Variants in ADCK1 observed in about 807,000 individuals in gnomAD.
The protein encoded by ADCK1 is aarF domain-containing protein kinase 1.
Under a neutral mutation model 52.3 loss-of-function variants are expected in ADCK1, and 41 were observed. That is an observed-to-expected ratio of 0.78 (90% CI 0.61 to 1.02). ADCK1 has a LOEUF of 1.02. ADCK1 is among the 50% of genes least tolerant of loss of function. ADCK1 has a pLI of 0.00. For synonymous variants in ADCK1, 250 were observed against 274.6 expected (o/e 0.91, Z 0.89); for missense variants, 658 against 679.5 (o/e 0.97, Z 0.35).
chr14:77,822,230 C>G lies in ADCK1; in HGVS notation c.136-205C>G, dbSNP rs956839943. ...AGAGGGGCAATTTTGGCGTGGGCCC[C>G]TGCAGAGGTGGCATTTGCACAGAGT... is the stretch of plus-strand genomic sequence containing the variant. On this transcript the variant is annotated intron_variant, in intron 2 of 10. Transcript: ENST00000238561. 2.0e-5 allele frequency among the ~76,000 whole-genome samples: 3 copies of G among 152,162 alleles called. No homozygotes were observed. In the South Asian group the frequency reaches 6.2e-4, roughly 32 times the overall value.
intron 3 of ADCK1, among the ~76,000 whole-genome samples, chr14:77,832,787 C>T (rs886632455): frequency 6.6e-6 from 1 of 152,158 alleles, no homozygotes; most frequent in Non-Finnish European, 1.5e-5. Flanking sequence ...ACCATCCTAC[C>T]AGTCTAGTGA....
rs374267941 is a variant in ADCK1 at position 77,924,534 on chromosome 14, C to G, written c.936C>G (p.Gly312=). 2 of 1,614,118 alleles carry G rather than the reference C, an allele frequency of 1.2e-6. No homozygotes were observed. The highest frequency in any genetic ancestry group is 2.7e-5 in the African/African-American group (2 of 75,080). Reference sequence around the variant, plus strand: ...TCGTGCACTGCGATCCCCACCCCGGCAATGTACTGGTGCGGAAGCACCCCG... The same window carrying G: ...TCGTGCACTGCGATCCCCACCCCGGGAATGTACTGGTGCGGAAGCACCCCG... ...NGFVHCDPHP[G]NVLVRKHPGT... Residue 312 remains glycine (G), a synonymous_variant, in exon 8 of 11, where the codon GGC becomes GGG. Transcript: ENST00000238561.
chr14:77,893,753 T>G lies in ADCK1; in HGVS notation c.583-5347T>G, dbSNP rs554352101. On this transcript the variant is annotated intron_variant, in intron 5 of 10. Coordinates refer to ENST00000238561, the MANE Select transcript of ADCK1 (RefSeq NM_020421.4). ...CCTTCCTTCCTTTTTTTTTTTTTTTTGACAGAGTCTCACTCTGTTGCCCAA... is the reference window on the plus strand; with the variant it reads ...CCTTCCTTCCTTTTTTTTTTTTTTTGGACAGAGTCTCACTCTGTTGCCCAA... Among the ~76,000 whole-genome samples the G allele has an allele frequency of 1.7e-3, 249 of 144,140 alleles. 2 individuals carry two copies. The Middle Eastern group carries it at 0.026, about 15-fold the overall frequency. The allele number at this position is 144,140 out of a possible 152,430, so 94.6% of individuals were successfully genotyped here. A position where few individuals can be genotyped will look rare whatever the true frequency, so the allele number is the denominator to read the frequency against.
intron 4 of ADCK1, among the ~76,000 whole-genome samples, chr14:77,864,708 T>TAG (rs148669104): frequency 2.1e-4 from 31 of 148,986 alleles, no homozygotes; most frequent in African/African-American, 2.7e-4. Flanking sequence ...TATTTAGAGC[T>TAG]AGAGAGAGAG....
At chr14:77,872,379 G>T (rs1301069656) in intron 4 of ADCK1, among the ~76,000 whole-genome samples, 4 of 152,196 alleles carry the variant, frequency 2.6e-5, no homozygotes, top group Non-Finnish European at 5.9e-5. Flanking sequence ...TGTCTGCGAG[G>T]TTGGGCGGGG....
chr14:77,928,618 C>T lies in ADCK1; in HGVS notation c.1206+2657C>T, dbSNP rs1322632503. ...CTGGGATTACAGGCATGTGCCACCA[C>T]ACCTGGCTAATTTTTGTATATTTAG... On this transcript the variant is annotated intron_variant, in intron 9 of 10. Transcript: ENST00000238561. Among the ~76,000 whole-genome samples the T allele has an allele frequency of 2.0e-5, 3 of 152,156 alleles. No homozygotes were observed. The South Asian group carries it at 6.2e-4, about 32-fold the overall frequency.
chr14:77,863,080 C>A (rs895017692), intron 4 of ADCK1, among the ~76,000 whole-genome samples: 1 of 152,162 alleles, frequency 6.6e-6, no homozygotes, highest in African/African-American at 2.4e-5. Context: ...TACAATGTGG[C>A]GTTCAGCCGG....
In ADCK1 at chr14:77,851,785, G is replaced by A. The variant is rs948652907; in HGVS notation, c.220-7291G>A. Among the ~76,000 whole-genome samples the A allele has an allele frequency of 5.9e-5, 9 of 152,048 alleles. No homozygotes were observed. In the East Asian group the frequency reaches 1.5e-3, roughly 26 times the overall value. ...GTTTTATGCTATTGATGTAATACAT[G>A]CTTTTATGTTATAAACACCACATTA... is the stretch of plus-strand genomic sequence containing the variant. On this transcript the variant is annotated intron_variant, in intron 3 of 10. Transcript: ENST00000238561.
chr14:77,912,811 C>T (rs1179174455), intron 7 of ADCK1, among the ~76,000 whole-genome samples: 1 of 152,144 alleles, frequency 6.6e-6, no homozygotes, highest in Non-Finnish European at 1.5e-5. Flanking sequence ...AGCCTCACTC[C>T]GCTTTGAAGA....
At chr14:77,901,580 C>T (rs1031385902) in intron 6 of ADCK1, among the ~76,000 whole-genome samples, 2 of 151,456 alleles carry the variant, frequency 1.3e-5, no homozygotes, top group Admixed American at 6.6e-5. Flanking sequence ...AGTAGAGACA[C>T]GGTTTTGCCA....
intron 4 of ADCK1, among the ~76,000 whole-genome samples, chr14:77,878,793 G>A (rs1389061380): frequency 6.6e-6 from 1 of 152,220 alleles, no homozygotes; most frequent in Non-Finnish European, 1.5e-5. Flanking sequence ...ATTAAGATGG[G>A]GAATGCTGAA....
At chr14:77,864,329 G>C (rs971586352) in intron 4 of ADCK1, among the ~76,000 whole-genome samples, 1 of 152,212 alleles carries the variant, frequency 6.6e-6, no homozygotes, top group Non-Finnish European at 1.5e-5. Flanking sequence ...AGATAAAGAA[G>C]CCTTTCCTCC....
At position 77,933,538 on chromosome 14, in the gene ADCK1, ATCCTC is replaced by A. The variant is rs2084390891; in HGVS notation, c.*151_*155del. ...GTCACCATCCTTCTCCTCCTTTGGA[ATCCTC>A]TCCGCACACTGTGGCCCTTGTCTCA... On this transcript the variant is annotated 3_prime_UTR_variant, in exon 11 of 11. Transcript: ENST00000238561. 1 of 952,352 alleles carries A rather than the reference ATCCTC, an allele frequency of 1.1e-6. No individual in the cohort carries two copies. The highest frequency in any genetic ancestry group is 2.1e-5 in the Admixed American group (1 of 47,238). 59.0% of individuals were successfully genotyped at this position (952,352 alleles called of 1,614,324 possible).
At chr14:77,801,105 T>TA (rs1258500588) in intron 1 of ADCK1, among the ~76,000 whole-genome samples, 1 of 152,166 alleles carries the variant, frequency 6.6e-6, no homozygotes, top group Non-Finnish European at 1.5e-5. Context: ...ATAATTTTCT[T>TA]ACTACAGTGG....
chr14:77,882,956 A>AC lies in ADCK1; in HGVS notation c.424-4124dup, dbSNP rs11303286. ...GGGATGACACATTTTTTCTTACACC[A>AC]CCCCCCCCCCCGTGCTTTTTTGCTC... is the stretch of plus-strand genomic sequence containing the variant. On this transcript the variant is annotated intron_variant, in intron 4 of 10. Coordinates refer to ENST00000238561, the MANE Select transcript of ADCK1 (RefSeq NM_020421.4). Among the ~76,000 whole-genome samples, 541 of 98,308 alleles carry AC rather than the reference A, an allele frequency of 5.5e-3. 1 individual carries two copies. Among genetic ancestry groups the AC allele is most frequent in the South Asian group, 0.016 (43 of 2,726 alleles). 64.5% of individuals were successfully genotyped at this position (98,308 alleles called of 152,430 possible). A position where few individuals can be genotyped will look rare whatever the true frequency, so the allele number is the denominator to read the frequency against.
At chr14:77,926,436 G>T (rs577326136) in intron 9 of ADCK1, among the ~76,000 whole-genome samples, 4 of 152,326 alleles carry the variant, frequency 2.6e-5, no homozygotes, top group African/African-American at 7.2e-5. Context: ...TTCTCAGGTG[G>T]CACTCAAGCA....
chr14:77,893,738 T>TTCCTTCCTTCCTTTC (rs540072186), intron 5 of ADCK1, among the ~76,000 whole-genome samples: 9 of 104,044 alleles, frequency 8.7e-5, no homozygotes, highest in African/African-American at 9.8e-5. Flanking sequence ...CCTTCCTTCC[T>TTCCTTCCTTCCTTTC]TTTTTTTTTT....
chr14:77,852,660 A>ATATAT (rs2082310962), intron 3 of ADCK1, among the ~76,000 whole-genome samples: 69 of 31,624 alleles, frequency 2.2e-3, no homozygotes, highest in African/African-American at 4.5e-3. Context: ...TAAATAAATA[A>ATATAT]ATATATATAT....
intron 3 of ADCK1, among the ~76,000 whole-genome samples, chr14:77,858,162 C>T (rs573052120): frequency 2.0e-5 from 3 of 152,324 alleles, no homozygotes; most frequent in African/African-American, 7.2e-5. Context: ...TAGGAGACCC[C>T]TGCTAAAGTT....
Sources: allele counts gnomAD v4.1 joint callset (sites outside exome capture counted in the v4.1 genomes callset), GRCh38; gene constraint gnomAD v4.1.1; transcripts MANE v1.5; gene names NCBI Gene and HGNC (gene_info 2026-07-23, HGNC 2026-07-21).